The following LRIG3 variants were observed in gnomAD, a reference collection of about 807,000 sequenced individuals.
LRIG3 encodes leucine-rich repeats and immunoglobulin-like domains protein 3.
A neutral mutation model predicts 114.5 loss-of-function variants in LRIG3; 76 were observed. That is an observed-to-expected ratio of 0.66 (90% CI 0.55 to 0.80). The LOEUF (loss-of-function observed/expected upper bound fraction) is 0.80. Among genes scored for constraint, LRIG3 ranks in the 30% least tolerant of loss-of-function variants. The probability of loss-of-function intolerance (pLI) is 0.00; values close to 1 mark genes in which losing one functional copy is unlikely to be tolerated. For missense variants in LRIG3, 1,239 were observed against 1,382.8 expected (o/e 0.90, Z 1.65); for synonymous variants, 512 against 519.8 (o/e 0.98, Z 0.20).
At chr12:58,885,591 G>C (rs1441977050) in intron 10 of LRIG3, among the ~76,000 whole-genome samples, 2 of 151,932 alleles carry the variant, frequency 1.3e-5, no homozygotes, top group African/African-American at 2.4e-5. Flanking sequence ...CCATTAAGGA[G>C]ATATAGCTTT....
chr12:58,899,344 C>T (rs140507348), intron 3 of LRIG3, among the ~76,000 whole-genome samples: 2 of 152,298 alleles, frequency 1.3e-5, no homozygotes, highest in East Asian at 1.9e-4. Flanking sequence ...TTTCCACTGA[C>T]GTCTCTTTGT....
At chr12:58,882,587 T>C (rs1871156592) in intron 12 of LRIG3, among the ~76,000 whole-genome samples, 2 of 152,194 alleles carry the variant, frequency 1.3e-5, no homozygotes, top group African/African-American at 2.4e-5. Context: ...TTAAGTTAAG[T>C]AGAAGGGCTG....
At chr12:58,918,245 A>C (rs1239563095) in intron 1 of LRIG3, among the ~76,000 whole-genome samples, 1 of 152,364 alleles carries the variant, frequency 6.6e-6, no homozygotes, top group East Asian at 1.9e-4. Context: ...GTAATTAAAG[A>C]CTGTGCTAAC....
intron 9 of LRIG3, 128 bp downstream of exon 9, chr12:58,886,682 A>G: frequency 1.5e-6 from 1 of 675,892 alleles, no homozygotes; most frequent in Non-Finnish European, 2.5e-6. Flanking sequence ...GGAGAGGATC[A>G]AGGGTGGTAA....
In LRIG3 at chr12:58,882,995, G is replaced by A. The variant is rs549627142; in HGVS notation, c.1354C>T (p.Leu452=). ...GCCACCCACTGTGGGAGCCATTTTA[G>A]CTGGCAATCGCACAAAAGGCTTGAT... ...NTSSLLCDCQ[L]KWLPQWVAEN... The change falls in exon 12 of 19, where the codon CTA becomes TTA. Residue 452 remains leucine (L), a synonymous_variant. Coordinates refer to ENST00000320743, the MANE Select transcript of LRIG3 (RefSeq NM_153377.5). The A allele has an allele frequency of 6.2e-7, 1 of 1,614,008 alleles. No individual in the cohort carries two copies. The highest frequency in any genetic ancestry group is 2.2e-5 in the East Asian group (1 of 44,856).
intron 3 of LRIG3, among the ~76,000 whole-genome samples, chr12:58,896,923 A>G (rs1189097045): frequency 1.3e-5 from 2 of 152,220 alleles, no homozygotes; most frequent in Non-Finnish European, 2.9e-5. Flanking sequence ...ACTGTTAAAG[A>G]AAACACTACA....
chr12:58,919,301 C>T, intron 1 of LRIG3: 1 of 1,369,260 alleles, frequency 7.3e-7, no homozygotes, highest in Non-Finnish European at 1.0e-6. Context: ...CCTGCGCTCT[C>T]CCCTAAACCG....
intron 3 of LRIG3, among the ~76,000 whole-genome samples, chr12:58,902,945 A>T (rs934457314): frequency 1.3e-5 from 2 of 152,120 alleles, no homozygotes; most frequent in Non-Finnish European, 2.9e-5. Flanking sequence ...TATATGTGCC[A>T]CATTTTCTTA....
intron 6 of LRIG3, 124 bp downstream of exon 6, chr12:58,888,695 A>G: frequency 1.4e-6 from 2 of 1,383,264 alleles, no homozygotes; most frequent in Non-Finnish European, 2.0e-6. Context: ...CTGAATACTG[A>G]CTTATAAATA....
chr12:58,875,255 C>T (rs1870878033), intron 16 of LRIG3, among the ~76,000 whole-genome samples: 1 of 152,166 alleles, frequency 6.6e-6, no homozygotes, highest in Non-Finnish European at 1.5e-5. Context: ...TTAGGTTTTC[C>T]TTAAGTGTCT....
chr12:58,880,376 A>C (rs1871084116), intron 13 of LRIG3: 3 of 698,682 alleles, frequency 4.3e-6, no homozygotes, highest in Admixed American at 2.0e-5. Flanking sequence ...CACCACACTG[A>C]GTACGGTGTC....
At chr12:58,916,539 T>C (rs1872488394) in intron 1 of LRIG3, among the ~76,000 whole-genome samples, 1 of 152,194 alleles carries the variant, frequency 6.6e-6, no homozygotes. Context: ...GGCTAGACCA[T>C]TAAAAACAGA....
At chr12:58,892,918 GA>G (rs1381672392) in intron 3 of LRIG3, among the ~76,000 whole-genome samples, 6 of 152,186 alleles carry the variant, frequency 3.9e-5, no homozygotes, top group African/African-American at 1.2e-4. Context: ...TTCTTATGCA[GA>G]TATGTACCTC....
intron 14 of LRIG3, among the ~76,000 whole-genome samples, chr12:58,878,493 A>G (rs561997280): frequency 1.6e-4 from 24 of 151,920 alleles, no homozygotes; most frequent in Non-Finnish European, 3.2e-4. Context: ...AATGTTCTTT[A>G]TGGTGTTAAG....
intron 1 of LRIG3, among the ~76,000 whole-genome samples, chr12:58,915,687 A>G (rs576545772): frequency 6.6e-6 from 1 of 152,300 alleles, no homozygotes; most frequent in East Asian, 1.9e-4. Context: ...AACTATAAAA[A>G]TCCTGCAATT....
intron 1 of LRIG3, chr12:58,919,314 T>G: frequency 6.9e-7 from 1 of 1,451,316 alleles, no homozygotes. Flanking sequence ...CTAAACCGTC[T>G]GGGCGTTCTG....
At chr12:58,883,316 C>T (rs1026547414) in intron 11 of LRIG3, among the ~76,000 whole-genome samples, 4 of 152,102 alleles carry the variant, frequency 2.6e-5, no homozygotes, top group African/African-American at 7.2e-5. Flanking sequence ...TTTGGTCCCA[C>T]AAAGTTGCGA....
intron 3 of LRIG3, among the ~76,000 whole-genome samples, chr12:58,897,290 G>T (rs541535467): frequency 4.6e-5 from 7 of 152,094 alleles, no homozygotes; most frequent in Non-Finnish European, 7.4e-5. Flanking sequence ...AAGAAGCAAA[G>T]AATCAGTTCT....
rs377024170 is a variant in LRIG3, at chr12:58,893,847, C to T, written c.384-3051G>A. On this transcript the variant is annotated intron_variant, in intron 3 of 18. Transcript: ENST00000320743. ...ATCCCTAGCCCTATCTCCCTTCAAA[C>T]TTTGCATCTGGTTTTGGTCCCCAGG... 4.6e-5 allele frequency among the ~76,000 whole-genome samples: 7 copies of T among 152,294 alleles called. No individual in the cohort carries two copies. The East Asian group carries it at 9.6e-4, about 21-fold the overall frequency.
Sources: allele counts gnomAD v4.1 joint callset (sites outside exome capture counted in the v4.1 genomes callset), GRCh38; gene constraint gnomAD v4.1.1; transcripts MANE v1.5; gene names NCBI Gene and HGNC (gene_info 2026-07-23, HGNC 2026-07-21).